The following CLEC16A variants were observed in gnomAD, a reference collection of about 807,000 sequenced individuals.
The protein encoded by CLEC16A is C-type lectin domain containing 16A, also known as protein CLEC16A.
CLEC16A carries 51 observed loss-of-function variants against 109.5 expected under a neutral mutation model. The observed-to-expected ratio is 0.47, with a 90% confidence interval of 0.37 to 0.59. The LOEUF (loss-of-function observed/expected upper bound fraction) is 0.59, where lower values mean the gene tolerates loss of function less well. Among genes scored for constraint, CLEC16A ranks in the 20% least tolerant of loss-of-function variants. The probability of loss-of-function intolerance (pLI) is 0.00; values close to 1 mark genes in which losing one functional copy is unlikely to be tolerated. For synonymous variants in CLEC16A, 673 were observed against 564.2 expected (o/e 1.19, Z -2.73); for missense variants, 1,339 against 1,394.0 (o/e 0.96, Z 0.63).
intron 22 of CLEC16A, among the ~76,000 whole-genome samples, chr16:11,148,788 C>G (rs1391778130): frequency 6.6e-6 from 1 of 152,216 alleles, no homozygotes; most frequent in Non-Finnish European, 1.5e-5. Flanking sequence ...ACGGCTGGCA[C>G]CCTTTCTCCG....
Position 10,977,239 on chromosome 16 carries a change from G to A in CLEC16A, c.743G>A (p.Gly248Asp), listed in dbSNP as rs2043074453. 2 of 1,613,844 alleles carry A rather than the reference G, an allele frequency of 1.2e-6. No homozygotes were observed. The highest frequency in any genetic ancestry group is 4.5e-5 in the East Asian group (2 of 44,884). Reference protein sequence around the residue: ...VQTDEEHRNRGKLSDLVAEHL... With the variant: ...VQTDEEHRNRDKLSDLVAEHL... ...TCTCCTGGCAGGCATCGGAATCGGG[G>A]TAAACTGAGTGATCTGGTGGCAGAG... Residue 248 changes from glycine (G) to aspartate (D), a missense_variant, in exon 8 of 24, where the codon GGT becomes GAT. Coordinates refer to ENST00000409790, the MANE Select transcript of CLEC16A (RefSeq NM_015226.3).
chr16:11,161,428 G>A (rs777984958), intron 22 of CLEC16A, among the ~76,000 whole-genome samples: 3 of 152,220 alleles, frequency 2.0e-5, no homozygotes, highest in Non-Finnish European at 4.4e-5. Flanking sequence ...ACTCCAGACC[G>A]AGGGAACGGC....
intron 13 of CLEC16A, among the ~76,000 whole-genome samples, chr16:11,034,593 G>T (rs1187213826): frequency 6.6e-6 from 1 of 152,066 alleles, no homozygotes; most frequent in Admixed American, 6.6e-5. Context: ...CCCTGTCCAC[G>T]GGTGGACAGG....
At chr16:11,045,589 C>G (rs986888688) in intron 16 of CLEC16A, among the ~76,000 whole-genome samples, 2 of 152,122 alleles carry the variant, frequency 1.3e-5, no homozygotes, top group Admixed American at 6.5e-5. Context: ...CCTTGCCAGC[C>G]TCATGTGTCT....
At chr16:10,950,124 A>G (rs751300340) in intron 1 of CLEC16A, among the ~76,000 whole-genome samples, 2 of 152,280 alleles carry the variant, frequency 1.3e-5, no homozygotes, top group South Asian at 2.1e-4. Context: ...GTGCGTTCTT[A>G]AAGTTTCATC....
intron 19 of CLEC16A, among the ~76,000 whole-genome samples, chr16:11,113,243 C>T (rs146628825): frequency 6.6e-6 from 1 of 152,250 alleles, no homozygotes; most frequent in Non-Finnish European, 1.5e-5. Context: ...CCTAGTGCTG[C>T]TCCCCAACCC....
At chr16:11,121,220 G>A (rs1342445636) in intron 20 of CLEC16A, among the ~76,000 whole-genome samples, 3 of 152,292 alleles carry the variant, frequency 2.0e-5, no homozygotes, top group South Asian at 2.1e-4. Flanking sequence ...ATTAGTACAC[G>A]CAGACTTCCT....
chr16:10,982,335 CT>C (rs2043369791), intron 9 of CLEC16A, among the ~76,000 whole-genome samples: 1 of 152,168 alleles, frequency 6.6e-6, no homozygotes, highest in African/African-American at 2.4e-5. Flanking sequence ...CACATACCTC[CT>C]GACGATGCTG....
In CLEC16A at chr16:11,178,284, CG is replaced by C; in HGVS notation, c.2807-47del. 6.6e-6 allele frequency: 10 copies of C among 1,504,142 alleles called. No individual in the cohort carries two copies. The highest frequency in any genetic ancestry group is 9.1e-6 in the Non-Finnish European group (10 of 1,096,958). 93.2% of individuals were successfully genotyped at this position (1,504,142 alleles called of 1,614,324 possible). On this transcript the variant is annotated intron_variant, in intron 23 of 23. Coordinates refer to ENST00000409790, the MANE Select transcript of CLEC16A (RefSeq NM_015226.3). This position sits in a 1 kb window ranked among gnomAD's most constrained non-coding sequence, Gnocchi z 6.5. ...GATGGGAGCACAGGGCGCAGTGCGA[CG>C]GGGTGTCTCAAGGGCTCAGTGTGTT...
intron 22 of CLEC16A, among the ~76,000 whole-genome samples, chr16:11,151,940 CTTAA>C (rs762010033): frequency 8.1e-4 from 124 of 152,228 alleles, no homozygotes; most frequent in Non-Finnish European, 1.4e-3. Flanking sequence ...GAAGTGAGAG[CTTAA>C]TTAACGGAAC....
At chr16:11,157,878 C>T (rs2054591862) in intron 22 of CLEC16A, among the ~76,000 whole-genome samples, 1 of 152,148 alleles carries the variant, frequency 6.6e-6, no homozygotes, top group Non-Finnish European at 1.5e-5. Flanking sequence ...CCCCGCCTGC[C>T]CTCGGGTATT....
intron 2 of CLEC16A, among the ~76,000 whole-genome samples, chr16:10,960,287 C>T (rs1182695075): frequency 1.3e-5 from 2 of 152,088 alleles, no homozygotes; most frequent in African/African-American, 4.8e-5. Context: ...ATTTTGTTGT[C>T]GTATATCCCC....
At chr16:11,126,781 AC>A (rs1029635968) in intron 22 of CLEC16A, 1 of 153,258 alleles carries the variant, frequency 6.5e-6, no homozygotes. Context: ...ATCCGTATGC[AC>A]CCCGATCCCT....
chr16:10,984,624 A>G (rs1045780257), intron 10 of CLEC16A, among the ~76,000 whole-genome samples: 1 of 152,244 alleles, frequency 6.6e-6, no homozygotes, highest in African/African-American at 2.4e-5. Context: ...GTGATGTGTT[A>G]AAGATTTTCC....
At chr16:11,169,938 TGCCACA>T (rs758954678) in intron 23 of CLEC16A, among the ~76,000 whole-genome samples, 155 of 152,230 alleles carry the variant, frequency 1.0e-3, no homozygotes, top group Admixed American at 4.1e-3. Context: ...TGTTGAATCC[TGCCACA>T]CTCCGCCTCA....
rs1488100749 is a variant in CLEC16A at position 11,051,622 on chromosome 16, A to G, written c.1976A>G (p.Asp659Gly). 6.2e-7 allele frequency: 1 copy of G among 1,613,984 alleles called. No homozygotes were observed. Among genetic ancestry groups the G allele is most frequent in the Admixed American group, 1.7e-5 (1 of 60,028 alleles). The stretch of plus-strand genomic sequence containing the variant: ...TTCGTGAAGCGGCTGCCGTGTGGCG[A>G]TGTGGAGAAGACCCGGCGGGTGAGT... ...IDFVKRLPCG[D>G]VEKTRRAIRV... is the part of the protein sequence containing the mutation. Residue 659 changes from aspartate to glycine, a missense_variant, in exon 18 of 24, where the codon GAT (aspartate) becomes GGT (glycine). Asp to Gly is a moderately conservative substitution (Grantham distance 94). Around this residue, in one of 3 missense-constraint regions of CLEC16A, gnomAD observed 1,061 missense variants for 1,006.8 expected, o/e 1.05. Transcript: ENST00000409790.
At chr16:11,015,693 C>T (rs1245975856) in intron 11 of CLEC16A, among the ~76,000 whole-genome samples, 1 of 152,244 alleles carries the variant, frequency 6.6e-6, no homozygotes, top group Admixed American at 6.5e-5. Flanking sequence ...CTCTTCTCTG[C>T]TCCGGAATTC....
intron 10 of CLEC16A, among the ~76,000 whole-genome samples, chr16:10,985,959 G>A (rs2146863657): frequency 6.8e-6 from 1 of 147,168 alleles, no homozygotes; most frequent in South Asian, 2.2e-4. Context: ...GCCTGCCTTG[G>A]CCTCCCAAAG....
intron 13 of CLEC16A, among the ~76,000 whole-genome samples, chr16:11,034,492 G>A (rs975551720): frequency 6.6e-6 from 1 of 152,170 alleles, no homozygotes; most frequent in African/African-American, 2.4e-5. Flanking sequence ...TGAGAGGGAA[G>A]CTTAGTAAGA....
Sources: allele counts gnomAD v4.1 joint callset (sites outside exome capture counted in the v4.1 genomes callset), GRCh38; gene constraint gnomAD v4.1.1; regional missense constraint gnomAD v4.1.1; non-coding constraint Gnocchi (gnomAD v3.1); transcripts MANE v1.5; gene names NCBI Gene and HGNC (gene_info 2026-07-23, HGNC 2026-07-21).